WDFY2: variants seen among roughly 807,000 people sequenced by gnomAD.
The protein encoded by WDFY2 is WD repeat and FYVE domain-containing protein 2.
WDFY2 carries 36 observed loss-of-function variants against 56.4 expected under a neutral mutation model. The observed-to-expected ratio is 0.64, with a 90% CI of 0.49 to 0.84. WDFY2 has a LOEUF of 0.84. WDFY2 is among the 40% of genes least tolerant of loss of function. The probability of loss-of-function intolerance (pLI) is 0.00; values close to 1 mark genes in which losing one functional copy is unlikely to be tolerated. For synonymous variants in WDFY2, 176 were observed against 183.7 expected (o/e 0.96, Z 0.34); for missense variants, 444 against 512.2 (o/e 0.87, Z 1.29).
At chr13:51,717,771 C>T (rs187517679) in intron 4 of WDFY2, among the ~76,000 whole-genome samples, 160 of 152,118 alleles carry the variant, frequency 1.1e-3, no homozygotes, top group African/African-American at 3.4e-3. Context: ...ACTGGTACTC[C>T]GAAAGCAGTT....
At chr13:51,649,237 T>G (rs1955320424) in intron 1 of WDFY2, among the ~76,000 whole-genome samples, 1 of 152,186 alleles carries the variant, frequency 6.6e-6, no homozygotes, top group South Asian at 2.1e-4. Context: ...TAGATGAGCA[T>G]TGTCTTCTCC....
At chr13:51,651,401 G>A (rs1741621733) in intron 1 of WDFY2, among the ~76,000 whole-genome samples, 1 of 151,766 alleles carries the variant, frequency 6.6e-6, no homozygotes, top group African/African-American at 2.4e-5. Context: ...GCATTTTTTT[G>A]TGTCTCTATC....
At position 51,703,621 on chromosome 13, in the gene WDFY2, A is replaced by C; in HGVS notation, c.305A>C (p.Asn102Thr). The change falls in exon 4 of 12, where the codon AAC (asparagine) becomes ACC (threonine). Residue 102 changes from asparagine to threonine, a missense_variant. Physicochemically the swap from Asn to Thr is moderately conservative, Grantham distance 65. Coordinates refer to ENST00000298125, the MANE Select transcript of WDFY2 (RefSeq NM_052950.4). ...ISEFILSEDY[N>T]KMTPVKNYQA... is the part of the protein sequence containing the mutation. ...GAGTTTATATTGTCAGAAGATTATAACAAGATGACTCCTGTGAAAAACTAT... is the reference window on the plus strand; with the variant it reads ...GAGTTTATATTGTCAGAAGATTATACCAAGATGACTCCTGTGAAAAACTAT... 1 of 1,609,962 alleles carries C rather than the reference A, an allele frequency of 6.2e-7. No homozygotes were observed. The highest frequency in any genetic ancestry group is 8.5e-7 in the Non-Finnish European group (1 of 1,177,942).
intron 7 of WDFY2, among the ~76,000 whole-genome samples, chr13:51,747,030 G>A (rs1325686419): frequency 2.0e-5 from 3 of 152,264 alleles, no homozygotes; most frequent in South Asian, 2.1e-4. Flanking sequence ...TCAGCGGCCT[G>A]TGCCAAAGAG....
intron 4 of WDFY2, among the ~76,000 whole-genome samples, chr13:51,718,246 A>G (rs2138625746): frequency 6.6e-6 from 1 of 152,306 alleles, no homozygotes; most frequent in Middle Eastern, 3.4e-3. Flanking sequence ...TCTAGGTTGC[A>G]GGATGTCAGT....
intron 8 of WDFY2, among the ~76,000 whole-genome samples, chr13:51,753,824 G>A (rs1330414287): frequency 2.6e-5 from 4 of 151,806 alleles, no homozygotes; most frequent in Non-Finnish European, 2.9e-5. Context: ...GGTGGCTCAC[G>A]CCTGTAATGC....
intron 7 of WDFY2, among the ~76,000 whole-genome samples, chr13:51,744,829 C>G (rs555497480): frequency 9.2e-5 from 14 of 152,312 alleles, no homozygotes; most frequent in African/African-American, 2.2e-4. Flanking sequence ...GGTATCTGTT[C>G]ATTCTTCGTA....
At chr13:51,608,962 T>C (rs1052043063) in intron 1 of WDFY2, among the ~76,000 whole-genome samples, 2 of 152,136 alleles carry the variant, frequency 1.3e-5, no homozygotes, top group Non-Finnish European at 2.9e-5. Context: ...ACAAATATCA[T>C]TGGCTGTCAT....
In WDFY2 at chr13:51,727,715, C is replaced by G. The variant is rs776144617; in HGVS notation, c.523C>G (p.His175Asp). Residue 175 changes from histidine (H) to aspartate (D), a missense_variant, in exon 6 of 12, where the codon CAC becomes GAC. Transcript: ENST00000298125. Reference sequence around the variant, plus strand: ...AACCCGGCATGTGTTTATCGGTGACCACTCAGGCCAAGTAACAATCCTCAA... The same window carrying G: ...AACCCGGCATGTGTTTATCGGTGACGACTCAGGCCAAGTAACAATCCTCAA... ...VETRHVFIGD[H>D]SGQVTILKLE... The G allele has an allele frequency of 1.2e-6, 2 of 1,614,010 alleles. No homozygotes were observed. Among genetic ancestry groups the G allele is most frequent in the Non-Finnish European group, 1.7e-6 (2 of 1,179,988 alleles).
At chr13:51,588,502 A>G (rs1421584113) in intron 1 of WDFY2, 2 of 152,212 alleles carry the variant, frequency 1.3e-5, no homozygotes, top group African/African-American at 2.4e-5. Flanking sequence ...TTCCCTTCCT[A>G]GGAGTTAACA....
intron 1 of WDFY2, among the ~76,000 whole-genome samples, chr13:51,618,037 T>C (rs1197350441): frequency 6.6e-6 from 1 of 152,246 alleles, no homozygotes; most frequent in Non-Finnish European, 1.5e-5. Flanking sequence ...CCTTTTTTGA[T>C]GTAGACGTAC....
chr13:51,611,248 G>A (rs1004599201), intron 1 of WDFY2, among the ~76,000 whole-genome samples: 2 of 152,160 alleles, frequency 1.3e-5, no homozygotes, highest in African/African-American at 2.4e-5. Context: ...AGTATGTATT[G>A]ACTGTAAAAC....
chr13:51,662,499 G>A lies in WDFY2; in HGVS notation c.205+1836G>A, dbSNP rs74086233. ...GGAATCTTATTGAGATAAGATGAGCGTTAATAGGGACCTCATGAAGGCACA... is the reference window on the plus strand; with the variant it reads ...GGAATCTTATTGAGATAAGATGAGCATTAATAGGGACCTCATGAAGGCACA... On this transcript the variant is annotated intron_variant, in intron 2 of 11. Coordinates refer to ENST00000298125, the MANE Select transcript of WDFY2 (RefSeq NM_052950.4). Among the ~76,000 whole-genome samples the A allele has an allele frequency of 3.0e-3, 463 of 152,252 alleles. 2 individuals carry two copies. The highest frequency in any genetic ancestry group is 0.011 in the African/African-American group (441 of 41,552).
chr13:51,613,649 TG>T (rs1328761018), intron 1 of WDFY2, among the ~76,000 whole-genome samples: 3 of 152,186 alleles, frequency 2.0e-5, no homozygotes, highest in Admixed American at 6.5e-5. Context: ...TACTCAGTCT[TG>T]TATAATTGTT....
chr13:51,700,534 A>G (rs1335265838), intron 3 of WDFY2, among the ~76,000 whole-genome samples: 2 of 152,166 alleles, frequency 1.3e-5, no homozygotes. Context: ...CAATGGTCAT[A>G]CTCTCTGATC....
intron 4 of WDFY2, among the ~76,000 whole-genome samples, chr13:51,711,327 A>G (rs1952210947): frequency 1.3e-5 from 2 of 152,368 alleles, no homozygotes; most frequent in Admixed American, 6.5e-5. Flanking sequence ...ACCTAAAACC[A>G]TAAAAACCCT....
intron 2 of WDFY2, among the ~76,000 whole-genome samples, chr13:51,674,954 A>C (rs1955862010): frequency 6.6e-6 from 1 of 152,186 alleles, no homozygotes; most frequent in Non-Finnish European, 1.5e-5. Context: ...CAGTTTGAGA[A>C]TATCTTATTT....
intron 4 of WDFY2, among the ~76,000 whole-genome samples, chr13:51,718,585 C>CACAT (rs1406953957): frequency 1.3e-5 from 2 of 151,914 alleles, no homozygotes; most frequent in African/African-American, 4.8e-5. Context: ...CACACACACA[C>CACAT]ACACACACAC....
chr13:51,698,819 AT>A (rs1951926791), intron 3 of WDFY2, among the ~76,000 whole-genome samples: 1 of 152,258 alleles, frequency 6.6e-6, no homozygotes, highest in African/African-American at 2.4e-5. Flanking sequence ...AGTAAAAAAA[AT>A]AAAACATTTC....
Sources: allele counts gnomAD v4.1 joint callset (sites outside exome capture counted in the v4.1 genomes callset), GRCh38; gene constraint gnomAD v4.1.1; transcripts MANE v1.5; gene names NCBI Gene and HGNC (gene_info 2026-07-23, HGNC 2026-07-21).